RIGI: variants seen among roughly 807,000 people sequenced by gnomAD.
The protein encoded by RIGI is RNA sensor RIG-I.
the RIGI span, chr9:32,488,633 C>G: frequency 8.2e-7 from 1 of 1,225,994 alleles, no homozygotes; most frequent in Non-Finnish European, 1.1e-6. Context: ...AAAGCTGAAT[C>G]TAATATAAAT....
the RIGI span, among the ~76,000 whole-genome samples, chr9:32,512,100 C>T: frequency 1.3e-5 from 2 of 152,246 alleles, no homozygotes; most frequent in South Asian, 4.1e-4. Flanking sequence ...AAAAAAAGCC[C>T]AGGACCAGAT....
the RIGI span, among the ~76,000 whole-genome samples, chr9:32,483,860 T>G: frequency 6.6e-6 from 1 of 152,022 alleles, no homozygotes; most frequent in African/African-American, 2.4e-5. Flanking sequence ...CATATGCTAT[T>G]CCCTGTGCCT....
the RIGI span, among the ~76,000 whole-genome samples, chr9:32,520,477 A>G: frequency 2.0e-5 from 3 of 152,142 alleles, no homozygotes; most frequent in African/African-American, 7.2e-5. Context: ...TACCTGCTAA[A>G]TCTTGAGCAC....
At chr9:32,468,509 T>C in the RIGI span, among the ~76,000 whole-genome samples, 1 of 151,946 alleles carries the variant, frequency 6.6e-6, no homozygotes, top group African/African-American at 2.4e-5. Context: ...CTACAAAAAA[T>C]TTAAGAATTA....
the RIGI span, among the ~76,000 whole-genome samples, chr9:32,468,549 C>G: frequency 6.6e-6 from 1 of 151,998 alleles, no homozygotes; most frequent in Non-Finnish European, 1.5e-5. Context: ...ACCTGTAGCC[C>G]CAGCTACTCA....
At chr9:32,514,555 T>C in the RIGI span, among the ~76,000 whole-genome samples, 4 of 152,094 alleles carry the variant, frequency 2.6e-5, no homozygotes, top group African/African-American at 9.7e-5. Flanking sequence ...GAGGGGAACA[T>C]CACACACTGG....
At chr9:32,457,316 T>C in the RIGI span, 8 of 1,613,940 alleles carry the variant, frequency 5.0e-6, no homozygotes, top group Non-Finnish European at 5.9e-6. Flanking sequence ...GCACAGAATA[T>C]CTTTGCTCTT....
chr9:32,502,108 A>G, the RIGI span, among the ~76,000 whole-genome samples: 2 of 149,302 alleles, frequency 1.3e-5, no homozygotes, highest in Non-Finnish European at 3.0e-5. Flanking sequence ...TATTAATGGA[A>G]TCATACAATA....
the RIGI span, among the ~76,000 whole-genome samples, chr9:32,523,816 A>T: frequency 6.6e-6 from 1 of 151,478 alleles, no homozygotes; most frequent in South Asian, 2.1e-4. Flanking sequence ...TCCTTATCAC[A>T]TTTCAGTGGA....
chr9:32,466,189 A>C, the RIGI span: 47 of 1,239,442 alleles, frequency 3.8e-5, no homozygotes, highest in East Asian at 3.1e-4. Flanking sequence ...TTTTGTTGTA[A>C]TATAACACTC....
the RIGI span, chr9:32,493,648 A>T: frequency 1.5e-6 from 1 of 674,388 alleles, no homozygotes; most frequent in Non-Finnish European, 2.4e-6. Flanking sequence ...CTATTCTATG[A>T]GTACTTTTGT....
chr9:32,510,975 G>A, the RIGI span, among the ~76,000 whole-genome samples: 10 of 150,970 alleles, frequency 6.6e-5, no homozygotes, highest in Non-Finnish European at 1.5e-4. Context: ...AACCAACAAA[G>A]ATCAAAAAAG....
chr9:32,485,729 C>T, the RIGI span, among the ~76,000 whole-genome samples: 4 of 151,782 alleles, frequency 2.6e-5, no homozygotes, highest in African/African-American at 9.7e-5. Flanking sequence ...TTAGTAGAGA[C>T]GGGGCTTCAC....
At chr9:32,489,504 C>A in the RIGI span, 1 of 1,127,396 alleles carries the variant, frequency 8.9e-7, no homozygotes, top group East Asian at 2.4e-5. Context: ...TGAGGAATCA[C>A]GGCAATAGCT....
At chr9:32,504,787 AT>A in the RIGI span, among the ~76,000 whole-genome samples, 1 of 138,356 alleles carries the variant, frequency 7.2e-6, no homozygotes, top group Non-Finnish European at 1.5e-5. Context: ...AATATATAAA[AT>A]ATATTTAATA....
chr9:32,512,511 T>C, the RIGI span, among the ~76,000 whole-genome samples: 1 of 152,138 alleles, frequency 6.6e-6, no homozygotes, highest in South Asian at 2.1e-4. Flanking sequence ...GTTGATAAAA[T>C]TCAACAGCCC....
At chr9:32,513,840 G>A in the RIGI span, among the ~76,000 whole-genome samples, 1 of 152,078 alleles carries the variant, frequency 6.6e-6, no homozygotes, top group African/African-American at 2.4e-5. Context: ...CTGACAAAGG[G>A]CTAATATCCA....
At chr9:32,491,265 G>A in the RIGI span, 1 of 1,608,018 alleles carries the variant, frequency 6.2e-7, no homozygotes, top group Non-Finnish European at 8.5e-7. Context: ...TACCAGAAGA[G>A]CACCATTATG....
the RIGI span, among the ~76,000 whole-genome samples, chr9:32,516,590 A>G: frequency 6.6e-6 from 1 of 152,190 alleles, no homozygotes; most frequent in South Asian, 2.1e-4. Context: ...TGACACTGGC[A>G]TCTGGATAAG....
Sources: gnomAD v4.1 joint callset for allele counts (sites outside exome capture counted in the v4.1 genomes callset) on GRCh38, gnomAD v4.1.1 for gene constraint, MANE v1.5 for transcripts, NCBI Gene and HGNC (gene_info 2026-07-23, HGNC 2026-07-21) for gene names.